SCHIP1: variants seen among roughly 807,000 people sequenced by gnomAD.
SCHIP1 encodes schwannomin interacting protein 1.
A neutral mutation model predicts 29.7 loss-of-function variants in SCHIP1; 8 were observed. The ratio of observed to expected loss-of-function variants is 0.27; its 90% CI spans 0.16 to 0.49. The LOEUF is 0.49. Ranked by LOEUF, SCHIP1 falls within the 20% of genes least tolerant of loss-of-function variation. The probability of loss-of-function intolerance (pLI) is 0.99; values close to 1 mark genes in which losing one functional copy is unlikely to be tolerated. For synonymous variants in SCHIP1, 76 were observed against 94.9 expected, an observed-to-expected ratio of 0.80 and a Z score of 1.16; for missense variants, 193 against 294.6, an observed-to-expected ratio of 0.66 and a Z score of 2.52.
chr3:159,392,774 C>T, the SCHIP1 span, among the ~76,000 whole-genome samples: 25 of 152,106 alleles, frequency 1.6e-4, no homozygotes, highest in East Asian at 3.1e-3. Flanking sequence ...AATAAACATA[C>T]GTGTGCATGT....
the SCHIP1 span, among the ~76,000 whole-genome samples, chr3:159,611,432 G>A: frequency 6.8e-6 from 1 of 146,506 alleles, no homozygotes; most frequent in East Asian, 2.1e-4. Context: ...CACAGGAACA[G>A]AAAACCAAAC....
chr3:159,310,690 G>C, the SCHIP1 span, among the ~76,000 whole-genome samples: 2 of 152,156 alleles, frequency 1.3e-5, no homozygotes, highest in African/African-American at 4.8e-5. Flanking sequence ...GCTTAAATCA[G>C]CTATTTCAGA....
the SCHIP1 span, among the ~76,000 whole-genome samples, chr3:159,744,766 A>G: frequency 6.6e-6 from 1 of 152,190 alleles, no homozygotes; most frequent in Non-Finnish European, 1.5e-5. Flanking sequence ...TCACGAGGTC[A>G]GGAGATCGAG....
the SCHIP1 span, among the ~76,000 whole-genome samples, chr3:159,525,225 AT>A: frequency 1.3e-5 from 2 of 152,134 alleles, no homozygotes; most frequent in African/African-American, 4.8e-5. Flanking sequence ...TCCTTAGTTT[AT>A]TTTTCTCCAA....
chr3:159,860,650 A>G lies in SCHIP1; in HGVS notation c.31-5513A>G, dbSNP rs552336573. On this transcript the variant is annotated intron_variant, in intron 1 of 6. Coordinates refer to ENST00000445224, the Ensembl canonical transcript of SCHIP1. ...AGAGTGAAAAGTGAGAAACAAATGC[A>G]TCTGGGAGGAGGGGAAGCTCAATCC... 9.8e-5 allele frequency among the ~76,000 whole-genome samples: 15 copies of G among 152,338 alleles called. No individual in the cohort carries two copies. The South Asian group carries it at 2.3e-3, about 23-fold the overall frequency.
the SCHIP1 span, among the ~76,000 whole-genome samples, chr3:159,546,096 T>C: frequency 1.3e-5 from 2 of 152,046 alleles, no homozygotes; most frequent in African/African-American, 4.8e-5. Flanking sequence ...ATGGTAACCT[T>C]GATAAAATCA....
chr3:159,782,096 A>T, the SCHIP1 span, among the ~76,000 whole-genome samples: 1 of 152,196 alleles, frequency 6.6e-6, no homozygotes, highest in Admixed American at 6.5e-5. Context: ...CTGAAATCAC[A>T]TCCAGCAATA....
At chr3:159,602,120 A>G in the SCHIP1 span, among the ~76,000 whole-genome samples, 41 of 152,302 alleles carry the variant, frequency 2.7e-4, no homozygotes, top group South Asian at 2.7e-3. Flanking sequence ...GCAGCAGTCT[A>G]TGGTAGAAAT....
the SCHIP1 span, among the ~76,000 whole-genome samples, chr3:159,295,500 C>T: frequency 1.3e-5 from 2 of 152,122 alleles, no homozygotes; most frequent in Non-Finnish European, 2.9e-5. Context: ...TCTCAGCACT[C>T]TCTACTCTCT....
the SCHIP1 span, among the ~76,000 whole-genome samples, chr3:159,432,240 T>C: frequency 0.016 from 2,420 of 147,632 alleles, 59 homozygotes; most frequent in African/African-American, 0.057. Flanking sequence ...ATAGGGCTGC[T>C]TGAGAGCCCT....
At chr3:159,444,288 G>A in the SCHIP1 span, among the ~76,000 whole-genome samples, 4 of 151,962 alleles carry the variant, frequency 2.6e-5, no homozygotes, top group African/African-American at 9.7e-5. Flanking sequence ...CACTTCAAGG[G>A]TGGGGCTACA....
the SCHIP1 span, among the ~76,000 whole-genome samples, chr3:159,708,233 C>G: frequency 1.3e-5 from 2 of 152,196 alleles, no homozygotes; most frequent in African/African-American, 4.8e-5. Flanking sequence ...CCTACACACT[C>G]ACTCCAAATG....
the SCHIP1 span, among the ~76,000 whole-genome samples, chr3:159,411,042 G>T: frequency 3.6e-4 from 55 of 152,056 alleles, no homozygotes; most frequent in African/African-American, 1.1e-3. Flanking sequence ...CAAACTTTGC[G>T]TGTTCTCACT....
At chr3:159,460,819 G>A in the SCHIP1 span, among the ~76,000 whole-genome samples, 1 of 152,248 alleles carries the variant, frequency 6.6e-6, no homozygotes, top group East Asian at 1.9e-4. Context: ...GATAAAATAG[G>A]AAAGACTGGC....
At chr3:159,416,276 C>G in the SCHIP1 span, among the ~76,000 whole-genome samples, 1 of 152,196 alleles carries the variant, frequency 6.6e-6, no homozygotes, top group Non-Finnish European at 1.5e-5. Flanking sequence ...TCCCTGACTA[C>G]GCATCTTAGG....
At chr3:159,552,577 T>C in the SCHIP1 span, among the ~76,000 whole-genome samples, 1 of 152,246 alleles carries the variant, frequency 6.6e-6, no homozygotes, top group African/African-American at 2.4e-5. Flanking sequence ...AAGAAATTTC[T>C]AGAAACATTC....
At chr3:159,310,289 T>C in the SCHIP1 span, among the ~76,000 whole-genome samples, 76 of 152,326 alleles carry the variant, frequency 5.0e-4, no homozygotes, top group African/African-American at 1.6e-3. Context: ...TAGTATATTA[T>C]ATTTGACATT....
chr3:159,805,098 C>T, the SCHIP1 span, among the ~76,000 whole-genome samples: 1 of 152,134 alleles, frequency 6.6e-6, no homozygotes, highest in Non-Finnish European at 1.5e-5. Context: ...GGATAATGAG[C>T]CACAAGCCCT....
the SCHIP1 span, among the ~76,000 whole-genome samples, chr3:159,740,251 C>T: frequency 1.3e-5 from 2 of 152,130 alleles, no homozygotes; most frequent in Non-Finnish European, 2.9e-5. Context: ...AAGTGGGTGG[C>T]GAGAAAAGAG....
Sources: allele counts gnomAD v4.1 joint callset (sites outside exome capture counted in the v4.1 genomes callset), GRCh38; gene constraint gnomAD v4.1.1; transcripts MANE v1.5; gene names NCBI Gene and HGNC (gene_info 2026-07-23, HGNC 2026-07-21).